CDH4: variants seen among roughly 807,000 people sequenced by gnomAD.
The protein encoded by CDH4 is cadherin-4.
In CDH4, 33 loss-of-function variants were observed where a neutral mutation model predicts 86.0. The observed-to-expected ratio is 0.38, with a 90% confidence interval of 0.29 to 0.51. The LOEUF is 0.51. Ranked by LOEUF, CDH4 falls within the 20% of genes least tolerant of loss-of-function variation. CDH4 has a pLI of 0.86. For synonymous variants in CDH4, 555 were observed against 549.4 expected, an observed-to-expected ratio of 1.01 and a Z score of -0.14; for missense variants, 1,114 against 1,307.4, an observed-to-expected ratio of 0.85 and a Z score of 2.28.
chr20:61,324,680 A>T (rs528590951), intron 2 of CDH4, among the ~76,000 whole-genome samples: 1 of 152,280 alleles, frequency 6.6e-6, no homozygotes, highest in African/African-American at 2.4e-5. Context: ...TTTCCAGAGG[A>T]ATGTGACTTT....
At chr20:61,397,404 C>T (rs1355016101) in intron 2 of CDH4, among the ~76,000 whole-genome samples, 1 of 143,410 alleles carries the variant, frequency 7.0e-6, no homozygotes, top group African/African-American at 2.5e-5. Flanking sequence ...ACTGTGTTCA[C>T]GACCTTCAGG....
At chr20:61,685,429 C>A (rs2145863696) in intron 2 of CDH4, among the ~76,000 whole-genome samples, 1 of 152,356 alleles carries the variant, frequency 6.6e-6, no homozygotes, top group South Asian at 2.1e-4. Context: ...CCAAGCCATT[C>A]TTGCTGTACC....
chr20:61,860,064 CA>C (rs1983245861), intron 6 of CDH4, among the ~76,000 whole-genome samples: 1 of 152,256 alleles, frequency 6.6e-6, no homozygotes, highest in African/African-American at 2.4e-5. Context: ...CGGGGAAGGT[CA>C]GGGGCAGGCG....
At position 61,938,616 on chromosome 20, in the gene CDH4, A is replaced by G. The variant is rs3746648; in HGVS notation, c.*1673A>G. On this transcript the variant is annotated 3_prime_UTR_variant, in exon 16 of 16. Coordinates refer to ENST00000614565, the MANE Select transcript of CDH4 (RefSeq NM_001794.5). ...CCCGGAGCCCCACCCTGCACCTGCC[A>G]CTGGGGTCAGGGAGTGTCTCGGGGT... is the stretch of plus-strand genomic sequence containing the variant. The G allele has an allele frequency of 0.79, 119,500 of 152,186 alleles. 47,160 individuals carry two copies. Among genetic ancestry groups the G allele is most frequent in the African/African-American group, 0.86 (35,732 of 41,516 alleles). The allele number at this position is 152,186 out of a possible 1,614,324, so 9.4% of individuals were successfully genotyped here.
At chr20:61,404,723 T>C (rs993159373) in intron 2 of CDH4, among the ~76,000 whole-genome samples, 2 of 152,062 alleles carry the variant, frequency 1.3e-5, no homozygotes, top group Admixed American at 6.5e-5. Flanking sequence ...AGGCTTTTTT[T>C]TTTTTTCTTT....
At position 61,546,588 on chromosome 20, in the gene CDH4, G is replaced by C. The variant is rs80202455; in HGVS notation, c.170-196975G>C. Among the ~76,000 whole-genome samples, 304 of 151,604 alleles carry C rather than the reference G, an allele frequency of 2.0e-3. 1 individual carries two copies. Among genetic ancestry groups the C allele is most frequent in the African/African-American group, 6.8e-3 (282 of 41,276 alleles). On this transcript the variant is annotated intron_variant, in intron 2 of 15. Coordinates refer to ENST00000614565, the MANE Select transcript of CDH4 (RefSeq NM_001794.5). ...TGTGCCCAGAAATCAGGGCAGGGAGGGGGGTGTGTGTTTCCCTCTCTGCTA... is the reference window on the plus strand; with the variant it reads ...TGTGCCCAGAAATCAGGGCAGGGAGCGGGGTGTGTGTTTCCCTCTCTGCTA...
At chr20:61,906,165 G>T (rs2054786141) in intron 8 of CDH4, among the ~76,000 whole-genome samples, 1 of 152,222 alleles carries the variant, frequency 6.6e-6, no homozygotes, top group Non-Finnish European at 1.5e-5. Flanking sequence ...GGGGGCCTCA[G>T]GGGTGGAGAA....
At chr20:61,519,523 T>C (rs904462062) in intron 2 of CDH4, among the ~76,000 whole-genome samples, 6 of 152,228 alleles carry the variant, frequency 3.9e-5, no homozygotes, top group Non-Finnish European at 8.8e-5. Flanking sequence ...ACGGTACATT[T>C]TCTCCAAAGG....
At chr20:61,533,294 G>A (rs1418654562) in intron 2 of CDH4, among the ~76,000 whole-genome samples, 4 of 152,186 alleles carry the variant, frequency 2.6e-5, no homozygotes, top group African/African-American at 9.6e-5. Context: ...AGGCGGCTGG[G>A]CGAGCAGCAC....
chr20:61,614,353 G>A (rs942464843), intron 2 of CDH4, among the ~76,000 whole-genome samples: 3 of 152,120 alleles, frequency 2.0e-5, no homozygotes, highest in Non-Finnish European at 4.4e-5. Context: ...GAGCAGGAGG[G>A]CGGGCACCTG....
chr20:61,828,863 A>G (rs2081241945), intron 4 of CDH4, among the ~76,000 whole-genome samples: 1 of 152,240 alleles, frequency 6.6e-6, no homozygotes, highest in African/African-American at 2.4e-5. Flanking sequence ...TTCCTGGAAG[A>G]CAATTTTCCC....
chr20:61,565,221 T>TGTTGGTAGTGGTCCTCTTGGTGATGGGG, intron 2 of CDH4, among the ~76,000 whole-genome samples: 1 of 40,548 alleles, frequency 2.5e-5, no homozygotes, highest in South Asian at 8.6e-4. Flanking sequence ...CTCTCGGTGG[T>TGTTGGTAGTGGTCCTCTTGGTGATGGGG]AGGTGGTGGT....
intron 4 of CDH4, among the ~76,000 whole-genome samples, chr20:61,798,936 C>A (rs371047993): frequency 1.1e-4 from 17 of 152,322 alleles, no homozygotes; most frequent in African/African-American, 4.1e-4. Context: ...GCTCCTTTCG[C>A]GACACAGGGC....
Position 61,814,088 on chromosome 20 carries a change from C to T in CDH4, c.577-30580C>T, listed in dbSNP as rs1324193424. ...CCCCAGGTGCCGGGCCCATGTGCAG[C>T]GTGGGGAGGGGCTCAGTACGGGGAG... is the stretch of plus-strand genomic sequence containing the variant. On this transcript the variant is annotated intron_variant, in intron 4 of 15. Transcript: ENST00000614565. Among the ~76,000 whole-genome samples, 6 of 152,268 alleles carry T rather than the reference C, an allele frequency of 3.9e-5. No homozygotes were observed. In the East Asian group the frequency reaches 5.8e-4, roughly 15 times the overall value.
chr20:61,403,338 T>C (rs748818453), intron 2 of CDH4, among the ~76,000 whole-genome samples: 20 of 152,202 alleles, frequency 1.3e-4, no homozygotes, highest in Non-Finnish European at 2.5e-4. Context: ...TTGTGTGCAG[T>C]TGAACCTGCA....
chr20:61,411,099 C>T (rs375389300), intron 2 of CDH4, among the ~76,000 whole-genome samples: 2 of 149,990 alleles, frequency 1.3e-5, no homozygotes, highest in East Asian at 3.9e-4. Context: ...TCTATTCTTC[C>T]AGTCATTCAT....
At chr20:61,383,746 G>GATATATGCATATATATGAAGAT (rs1568823320) in intron 2 of CDH4, among the ~76,000 whole-genome samples, 31 of 70,582 alleles carry the variant, frequency 4.4e-4, no homozygotes, top group South Asian at 7.3e-4. Flanking sequence ...TATATATGAA[G>GATATATGCATATATATGAAGAT]ATATATGCAT....
At chr20:61,798,004 A>C (rs1321356711) in intron 4 of CDH4, among the ~76,000 whole-genome samples, 1 of 152,156 alleles carries the variant, frequency 6.6e-6, no homozygotes, top group East Asian at 1.9e-4. Context: ...GAAAGCCAAA[A>C]TGGAAAAGCA....
chr20:61,393,036 C>T lies in CDH4; in HGVS notation c.169+138099C>T, dbSNP rs767821018. On this transcript the variant is annotated intron_variant, in intron 2 of 15. Coordinates refer to ENST00000614565, the MANE Select transcript of CDH4 (RefSeq NM_001794.5). The surrounding 1 kb of genome is among the most constrained non-coding windows in gnomAD (Gnocchi z 4.3). ...AGAAAACGTGAGGACAGAGCAGCTG[C>T]GGGGCCCCTCGGTGATCAGGGCCGT... 1.3e-4 allele frequency among the ~76,000 whole-genome samples: 20 copies of T among 152,130 alleles called. No homozygotes were observed. Among genetic ancestry groups the T allele is most frequent in the East Asian group, 1.9e-4 (1 of 5,190 alleles).
Sources: allele counts gnomAD v4.1 joint callset (sites outside exome capture counted in the v4.1 genomes callset), GRCh38; gene constraint gnomAD v4.1.1; non-coding constraint Gnocchi (gnomAD v3.1); transcripts MANE v1.5; gene names NCBI Gene and HGNC (gene_info 2026-07-23, HGNC 2026-07-21).